Variants in PMPCB observed in about 807,000 individuals in gnomAD.
PMPCB encodes peptidase, mitochondrial processing subunit beta.
Under a neutral mutation model 61.5 loss-of-function variants are expected in PMPCB, and 46 were observed. The ratio of observed to expected loss-of-function variants is 0.75; its 90% confidence interval spans 0.59 to 0.96. The LOEUF (loss-of-function observed/expected upper bound fraction) is 0.96. Among genes scored for constraint, PMPCB ranks in the 40% least tolerant of loss-of-function variants. The pLI, the probability that PMPCB is intolerant of heterozygous loss-of-function variation, is 0.00. For missense variants in PMPCB, 590 were observed against 602.4 expected (o/e 0.98, Z 0.22); for synonymous variants, 191 against 201.6 (o/e 0.95, Z 0.44).
chr7:103,338,729 G>A, the PMPCB span, among the ~76,000 whole-genome samples: 1 of 150,834 alleles, frequency 6.6e-6, no homozygotes, highest in East Asian at 2.0e-4. Context: ...GGCTAACATG[G>A]TGAAACCCTG....
intron 12 of PMPCB, chr7:103,322,757 CTCTGT>C (rs768569744): frequency 6.2e-7 from 1 of 1,608,138 alleles, no homozygotes; most frequent in Non-Finnish European, 8.5e-7. Context: ...GCTCTTGTTG[CTCTGT>C]TCTGCTTTTC....
intron 6 of PMPCB, among the ~76,000 whole-genome samples, chr7:103,306,846 C>G (rs1195632153): frequency 2.0e-5 from 3 of 152,070 alleles, no homozygotes; most frequent in Admixed American, 2.0e-4. Flanking sequence ...AACTCCACCT[C>G]CTAGATTCAA....
At chr7:103,337,733 T>TA in the PMPCB span, 1 of 1,610,502 alleles carries the variant, frequency 6.2e-7, no homozygotes, top group South Asian at 1.1e-5. Flanking sequence ...ACTAAGTACT[T>TA]ACGAGCTGCT....
chr7:103,322,095 G>A (rs1818451699), intron 12 of PMPCB: 1 of 1,587,630 alleles, frequency 6.3e-7, no homozygotes, highest in Non-Finnish European at 8.6e-7. Context: ...TAAAAAAAGG[G>A]AGTAAAATCA....
chr7:103,319,125 G>C (rs764209343), downstream of PMPCB, among the ~76,000 whole-genome samples: 6 of 150,148 alleles, frequency 4.0e-5, no homozygotes, highest in Non-Finnish European at 8.9e-5. Flanking sequence ...GTGACAGAGA[G>C]AGACTCCATC....
intron 12 of PMPCB, among the ~76,000 whole-genome samples, chr7:103,328,356 C>T (rs1818817845): frequency 2.0e-5 from 3 of 152,080 alleles, no homozygotes; most frequent in Admixed American, 6.5e-5. Flanking sequence ...GTAGGCTGGG[C>T]ATGGTGGCTC....
chr7:103,297,986 T>G, intron 1 of PMPCB: 1 of 1,141,496 alleles, frequency 8.8e-7, no homozygotes, highest in Non-Finnish European at 1.1e-6. Flanking sequence ...ATTTTTCTCA[T>G]GAGAGAGCCT....
chr7:103,325,805 AAAT>A (rs1173917222), intron 12 of PMPCB, among the ~76,000 whole-genome samples: 2 of 152,242 alleles, frequency 1.3e-5, no homozygotes, highest in Non-Finnish European at 2.9e-5. Flanking sequence ...TCGTAACTAT[AAAT>A]AATGTTTTGT....
the PMPCB span, chr7:103,345,150 TG>T: frequency 5.7e-6 from 1 of 176,886 alleles, no homozygotes; most frequent in East Asian, 1.5e-4. Flanking sequence ...CGTGTATTTG[TG>T]ATACATTTGT....
At chr7:103,341,829 C>G in the PMPCB span, 2 of 1,611,940 alleles carry the variant, frequency 1.2e-6, no homozygotes, top group Non-Finnish European at 1.7e-6. Context: ...TCTTCATCTT[C>G]TGATTCCTCG....
intron 4 of PMPCB, among the ~76,000 whole-genome samples, chr7:103,301,725 G>A (rs1817456286): frequency 6.6e-6 from 1 of 151,996 alleles, no homozygotes; most frequent in South Asian, 2.1e-4. Flanking sequence ...TGTGAAGCCT[G>A]GTATATGAAG....
intron 4 of PMPCB, among the ~76,000 whole-genome samples, chr7:103,301,311 G>T (rs1199905085): frequency 2.0e-5 from 3 of 152,176 alleles, no homozygotes; most frequent in African/African-American, 7.2e-5. Context: ...TACTTAATAT[G>T]ATACCCTAAC....
intron 9 of PMPCB, 34 bp from the exon 10 acceptor site, chr7:103,311,609 T>C (rs761285453): frequency 1.3e-6 from 2 of 1,523,606 alleles, no homozygotes; most frequent in East Asian, 4.5e-5. Context: ...AATACAACAT[T>C]TTCCAACTAC....
chr7:103,315,772 C>A (rs758912278), downstream of PMPCB: 24 of 1,612,938 alleles, frequency 1.5e-5, no homozygotes, highest in Non-Finnish European at 2.0e-5. Context: ...ACCTTCAAAT[C>A]GTTCTGAAGG....
Position 103,312,291 on chromosome 7 carries a change from G to C in PMPCB, c.*20G>C. On this transcript the variant is annotated 3_prime_UTR_variant, in exon 13 of 13. Transcript: ENST00000249269. ...GATTAAAATGCTCCTAATCAAGATT[G>C]TTTGAACACATGTATTTATAAAACA... The C allele has an allele frequency of 6.2e-7, 1 of 1,607,402 alleles. No homozygotes were observed. The highest frequency in any genetic ancestry group is 8.5e-7 in the Non-Finnish European group (1 of 1,179,772).
At chr7:103,345,918 C>G in the PMPCB span, among the ~76,000 whole-genome samples, 1 of 151,596 alleles carries the variant, frequency 6.6e-6, no homozygotes, top group African/African-American at 2.4e-5. Flanking sequence ...GCGCTCCAGC[C>G]TGGGTAACAG....
In PMPCB at chr7:103,313,159, T is replaced by G; in HGVS notation, c.*888T>G. ...CTTTGAACATGTTCTCAGACAAGTCTTGTGGTCCACAAGTATTCGCTAAGT... is the reference window on the plus strand; with the variant it reads ...CTTTGAACATGTTCTCAGACAAGTCGTGTGGTCCACAAGTATTCGCTAAGT... On this transcript the variant is annotated 3_prime_UTR_variant, in exon 13 of 13. Transcript: ENST00000249269. 1 of 1,550,092 alleles carries G rather than the reference T, an allele frequency of 6.5e-7. No individual in the cohort carries two copies. Among genetic ancestry groups the G allele is most frequent in the South Asian group, 1.2e-5 (1 of 80,494 alleles).
chr7:103,318,539 C>T (rs147617453), downstream of PMPCB, among the ~76,000 whole-genome samples: 90 of 152,270 alleles, frequency 5.9e-4, no homozygotes, highest in Middle Eastern at 0.014. Flanking sequence ...ACTATGGGCT[C>T]TCCATCTTTT....
chr7:103,297,901 A>G (rs1817332882), intron 1 of PMPCB: 7 of 1,333,656 alleles, frequency 5.2e-6, no homozygotes, highest in South Asian at 4.1e-5. Context: ...ATTTTTGCCT[A>G]AGACTGAACT....
Sources: allele counts gnomAD v4.1 joint callset (sites outside exome capture counted in the v4.1 genomes callset), GRCh38; gene constraint gnomAD v4.1.1; transcripts MANE v1.5; gene names NCBI Gene and HGNC (gene_info 2026-07-23, HGNC 2026-07-21).